GRB10: variants seen among roughly 807,000 people sequenced by gnomAD.
The protein encoded by GRB10 is growth factor receptor bound protein 10.
GRB10 carries 20 observed loss-of-function variants against 80.9 expected under a neutral mutation model. The observed-to-expected ratio is 0.25, with a 90% CI of 0.17 to 0.36. The LOEUF (loss-of-function observed/expected upper bound fraction) is 0.36, where lower values mean the gene tolerates loss of function less well. Among genes scored for constraint, GRB10 ranks in the 10% least tolerant of loss-of-function variants. The probability of loss-of-function intolerance (pLI) is 1.00; values close to 1 mark genes in which losing one functional copy is unlikely to be tolerated. For synonymous variants in GRB10, 291 were observed against 291.5 expected, an observed-to-expected ratio of 1.00 and a Z score of 0.02; for missense variants, 548 against 747.7, an observed-to-expected ratio of 0.73 and a Z score of 3.12.
At chr7:50,670,013 C>A in intron 6 of GRB10, 150 bp from the exon 7 acceptor site, 3 of 907,528 alleles carry the variant, frequency 3.3e-6, no homozygotes, top group Non-Finnish European at 3.4e-6. Context: ...TCACAAAAGC[C>A]AAAAAGTAGA....
chr7:50,658,642 G>A (rs1427581692), intron 7 of GRB10, among the ~76,000 whole-genome samples: 1 of 152,188 alleles, frequency 6.6e-6, no homozygotes, highest in Non-Finnish European at 1.5e-5. Flanking sequence ...GCTCTTGACA[G>A]CTATAGATAT....
At chr7:50,725,636 T>C (rs1465297679) in intron 4 of GRB10, among the ~76,000 whole-genome samples, 7 of 152,196 alleles carry the variant, frequency 4.6e-5, no homozygotes, top group African/African-American at 1.7e-4. Context: ...AAAGGGAAAG[T>C]TGATTACTAA....
chr7:50,640,955 T>C (rs1346093219), intron 7 of GRB10, among the ~76,000 whole-genome samples: 1 of 152,202 alleles, frequency 6.6e-6, no homozygotes, highest in African/African-American at 2.4e-5. Flanking sequence ...AAAGGCAGGC[T>C]GTAGTGCCTG....
chr7:50,597,268 A>C (rs1017779210), intron 17 of GRB10, among the ~76,000 whole-genome samples: 1 of 152,356 alleles, frequency 6.6e-6, no homozygotes, highest in Admixed American at 6.5e-5. Flanking sequence ...ATACTTTGGG[A>C]AACACCGATC....
chr7:50,605,519 T>C, intron 14 of GRB10, 113 bp from the exon 15 acceptor site: 6 of 889,034 alleles, frequency 6.7e-6, no homozygotes, highest in Non-Finnish European at 1.1e-5. Flanking sequence ...ATGCCTGCTT[T>C]CTACCTCTGA....
intron 3 of GRB10, among the ~76,000 whole-genome samples, chr7:50,745,540 T>C (rs567800131): frequency 6.6e-6 from 1 of 152,354 alleles, no homozygotes; most frequent in East Asian, 1.9e-4. Context: ...AAGCACTGTC[T>C]TCCTTTGGGA....
chr7:50,625,766 C>T (rs1278230870), intron 8 of GRB10, among the ~76,000 whole-genome samples: 6 of 152,208 alleles, frequency 3.9e-5, no homozygotes, highest in Non-Finnish European at 5.9e-5. Context: ...CTCCAAAGTA[C>T]AGGGCGCATT....
chr7:50,694,417 T>A (rs757703833), intron 5 of GRB10, among the ~76,000 whole-genome samples: 12 of 152,330 alleles, frequency 7.9e-5, no homozygotes, highest in Non-Finnish European at 7.4e-5. Context: ...GGTCGATTTG[T>A]GACGGGGTAT....
At chr7:50,757,420 A>G (rs1355155140) in intron 2 of GRB10, among the ~76,000 whole-genome samples, 1 of 152,238 alleles carries the variant, frequency 6.6e-6, no homozygotes, top group East Asian at 1.9e-4. Flanking sequence ...TTCAGGTGTG[A>G]AACACACCAG....
intron 4 of GRB10, among the ~76,000 whole-genome samples, chr7:50,723,208 C>T (rs556640681): frequency 5.9e-5 from 9 of 152,022 alleles, no homozygotes; most frequent in African/African-American, 1.9e-4. Flanking sequence ...GCAATGATGT[C>T]CTTGGCAGTG....
chr7:50,697,195 A>T (rs1337089800), intron 5 of GRB10, among the ~76,000 whole-genome samples: 2 of 152,238 alleles, frequency 1.3e-5, no homozygotes, highest in Non-Finnish European at 2.9e-5. Context: ...TGGGGTGATA[A>T]GAGTTTTGGA....
At chr7:50,759,415 G>A (rs949185519) in intron 2 of GRB10, among the ~76,000 whole-genome samples, 5 of 152,036 alleles carry the variant, frequency 3.3e-5, no homozygotes, top group Admixed American at 3.3e-4. Flanking sequence ...ATGGCGGATC[G>A]GTTCCAGGAC....
chr7:50,722,243 C>T (rs1030169496), intron 4 of GRB10, among the ~76,000 whole-genome samples: 3 of 152,120 alleles, frequency 2.0e-5, no homozygotes, highest in African/African-American at 2.4e-5. Flanking sequence ...ACTCAGGAGG[C>T]CAAGGACTGG....
intron 13 of GRB10, 107 bp downstream of exon 13, chr7:50,612,634 C>A: frequency 1.3e-6 from 1 of 745,424 alleles, no homozygotes; most frequent in East Asian, 2.6e-5. Flanking sequence ...TGTGACAGAA[C>A]AGCGGAAAAG....
chr7:50,763,750 C>A (rs955055069), intron 2 of GRB10, among the ~76,000 whole-genome samples: 1 of 152,220 alleles, frequency 6.6e-6, no homozygotes, highest in Non-Finnish European at 1.5e-5. Context: ...TCATTGGCTG[C>A]GGAAGCATCT....
chr7:50,706,359 C>T (rs2065036943), intron 4 of GRB10, among the ~76,000 whole-genome samples: 1 of 152,200 alleles, frequency 6.6e-6, no homozygotes, highest in Non-Finnish European at 1.5e-5. Flanking sequence ...CAAATAAACA[C>T]CTTCGAGCAC....
chr7:50,595,563 A>C, intron 17 of GRB10, 33 bp from the exon 18 acceptor site: 1 of 1,200,482 alleles, frequency 8.3e-7, no homozygotes, highest in African/African-American at 1.5e-5. Context: ...TTGCTAAAAT[A>C]TTTTAAAATC....
At chr7:50,594,092 C>G (rs993004809) in intron 18 of GRB10, among the ~76,000 whole-genome samples, 2 of 151,714 alleles carry the variant, frequency 1.3e-5, no homozygotes, top group African/African-American at 4.8e-5. Context: ...AGTAGAAGAA[C>G]AAAAAGGATT....
chr7:50,777,734 C>T (rs2077842946), intron 2 of GRB10, among the ~76,000 whole-genome samples: 1 of 152,022 alleles, frequency 6.6e-6, no homozygotes, highest in Non-Finnish European at 1.5e-5. Flanking sequence ...ACTATGCAGC[C>T]ACAAAAAGGA....
Sources: gnomAD v4.1 joint callset for allele counts (sites outside exome capture counted in the v4.1 genomes callset) on GRCh38, gnomAD v4.1.1 for gene constraint, MANE v1.5 for transcripts, NCBI Gene and HGNC (gene_info 2026-07-23, HGNC 2026-07-21) for gene names.